The following LSM12 variants were observed in gnomAD, a reference collection of about 807,000 sequenced individuals.
LSM12 encodes the protein LSM12 homolog, also known as protein LSM12.
For missense variants in LSM12, 108 were observed against 238.9 expected, an observed-to-expected ratio of 0.45 and a Z score of 3.61; for synonymous variants, 74 against 87.3, an observed-to-expected ratio of 0.85 and a Z score of 0.85.
At chr17:44,046,692 A>T (rs2049571301) in intron 2 of LSM12, among the ~76,000 whole-genome samples, 2 of 140,984 alleles carry the variant, frequency 1.4e-5, no homozygotes, top group Admixed American at 1.4e-4. Flanking sequence ...CCTGGGCAAC[A>T]GAGCCAGACT....
chr17:44,064,072 G>C (rs2049835891), intron 1 of LSM12, 138 bp from the exon 2 acceptor site: 5 of 912,070 alleles, frequency 5.5e-6, no homozygotes, highest in Admixed American at 2.9e-5. Flanking sequence ...TAAGAATCAC[G>C]GTTCTCCTCA....
intron 2 of LSM12, among the ~76,000 whole-genome samples, chr17:44,063,447 C>T (rs558910898): frequency 4.6e-5 from 7 of 152,114 alleles, no homozygotes; most frequent in Admixed American, 3.3e-4. Flanking sequence ...CATATATTCA[C>T]GTATGCACAC....
rs1373336826 is a variant in LSM12 at position 44,034,566 on chromosome 17, A to C, written c.*1642T>G. On this transcript the variant is annotated 3_prime_UTR_variant, in exon 5 of 5. Transcript: ENST00000293406. The stretch of plus-strand genomic sequence containing the variant: ...GAAGAGACTCTAAAGAGAAAGGTCA[A>C]ATCAGACAGACATACCTTGGATCCT... 6.6e-6 allele frequency: 1 copy of C among 152,574 alleles called. No homozygotes were observed. Among genetic ancestry groups the C allele is most frequent in the Non-Finnish European group, 1.5e-5 (1 of 68,048 alleles). 9.5% of individuals were successfully genotyped at this position (152,574 alleles called of 1,614,324 possible). A position where few individuals can be genotyped will look rare whatever the true frequency, so the allele number is the denominator to read the frequency against.
intron 4 of LSM12, chr17:44,037,157 TG>T: frequency 5.7e-6 from 2 of 350,876 alleles, no homozygotes; most frequent in Non-Finnish European, 1.0e-5. Flanking sequence ...CCCAATACCA[TG>T]GAACAGTCTT....
chr17:44,061,484 G>T (rs1836823188), intron 2 of LSM12, among the ~76,000 whole-genome samples: 1 of 152,090 alleles, frequency 6.6e-6, no homozygotes, highest in South Asian at 2.1e-4. Flanking sequence ...TCCCATACAA[G>T]ACAACACCCA....
chr17:44,063,729 G>A, intron 2 of LSM12, 72 bp downstream of exon 2: 1 of 1,429,894 alleles, frequency 7.0e-7, no homozygotes, highest in East Asian at 2.3e-5. Context: ...AGACAACAAT[G>A]TATCACTAAG....
At chr17:44,041,284 A>AAAC (rs772107389) in intron 2 of LSM12, among the ~76,000 whole-genome samples, 4,803 of 122,718 alleles carry the variant, frequency 0.039, 63 homozygotes, top group Non-Finnish European at 0.059. Context: ...AAAAAAAAAA[A>AAAC]AAACAAACAC....
chr17:44,062,824 A>G (rs1597898930), intron 2 of LSM12, among the ~76,000 whole-genome samples: 1 of 151,680 alleles, frequency 6.6e-6, no homozygotes, highest in Admixed American at 6.6e-5. Flanking sequence ...GGAGTTCAAG[A>G]CCAGCCTGGG....
intron 1 of LSM12, among the ~76,000 whole-genome samples, chr17:44,065,425 G>C (rs2049859677): frequency 7.2e-6 from 1 of 139,098 alleles, no homozygotes; most frequent in Non-Finnish European, 1.5e-5. Flanking sequence ...TAGCGACAGA[G>C]CGAGACTCCA....
intron 2 of LSM12, among the ~76,000 whole-genome samples, chr17:44,041,350 C>T (rs1248959377): frequency 6.7e-6 from 1 of 149,948 alleles, no homozygotes; most frequent in Non-Finnish European, 1.5e-5. Flanking sequence ...CACACACACA[C>T]AGAATTTCCA....
chr17:44,049,753 G>A (rs975047904), intron 2 of LSM12, among the ~76,000 whole-genome samples: 8 of 152,226 alleles, frequency 5.3e-5, no homozygotes, highest in East Asian at 3.8e-4. Context: ...CACAGGTGCC[G>A]TGGGGAATCC....
At chr17:44,051,525 C>T (rs984548118) in intron 2 of LSM12, among the ~76,000 whole-genome samples, 2 of 151,440 alleles carry the variant, frequency 1.3e-5, no homozygotes, top group Non-Finnish European at 2.9e-5. Flanking sequence ...TGCACTTCAA[C>T]CTAAGTGACA....
At chr17:44,064,834 T>A (rs544936695) in intron 1 of LSM12, among the ~76,000 whole-genome samples, 1 of 152,032 alleles carries the variant, frequency 6.6e-6, no homozygotes, top group South Asian at 2.1e-4. Flanking sequence ...CTTATTTTTT[T>A]AAAAAAGCAA....
At chr17:44,038,623 C>T (rs1222299043) in intron 3 of LSM12, among the ~76,000 whole-genome samples, 1 of 152,080 alleles carries the variant, frequency 6.6e-6, no homozygotes, top group Non-Finnish European at 1.5e-5. Flanking sequence ...CCATTGGACT[C>T]CAGCCTGGTG....
At chr17:44,056,967 G>A (rs924840709) in intron 2 of LSM12, among the ~76,000 whole-genome samples, 2 of 151,690 alleles carry the variant, frequency 1.3e-5, no homozygotes, top group Non-Finnish European at 2.9e-5. Flanking sequence ...CTCCAGCTTG[G>A]GCAGCAAGAG....
chr17:44,060,458 G>A (rs2049781631), intron 2 of LSM12, among the ~76,000 whole-genome samples: 1 of 152,168 alleles, frequency 6.6e-6, no homozygotes, highest in South Asian at 2.1e-4. Context: ...GAATCGCAAA[G>A]CATCCTAAAA....
intron 2 of LSM12, among the ~76,000 whole-genome samples, chr17:44,063,453 C>T (rs1250944125): frequency 6.6e-6 from 1 of 151,892 alleles, no homozygotes; most frequent in African/African-American, 2.4e-5. Context: ...TTCACGTATG[C>T]ACACATCCAC....
intron 2 of LSM12, among the ~76,000 whole-genome samples, chr17:44,040,496 A>G (rs977208549): frequency 1.3e-5 from 2 of 152,196 alleles, no homozygotes; most frequent in East Asian, 3.8e-4. Context: ...CATGTGCCAG[A>G]CATTCACTAT....
chr17:44,062,808 A>C (rs2049815987), intron 2 of LSM12, among the ~76,000 whole-genome samples: 1 of 151,946 alleles, frequency 6.6e-6, no homozygotes, highest in African/African-American at 2.4e-5. Flanking sequence ...AGACTGCCTG[A>C]GCTCAGGAGT....
Sources: allele counts gnomAD v4.1 joint callset (sites outside exome capture counted in the v4.1 genomes callset), GRCh38; gene constraint gnomAD v4.1.1; transcripts MANE v1.5; gene names NCBI Gene and HGNC (gene_info 2026-07-23, HGNC 2026-07-21).